The following IL1RAPL2 variants were observed in gnomAD, a reference collection of about 807,000 sequenced individuals.
IL1RAPL2 encodes interleukin 1 receptor accessory protein like 2, also known as X-linked interleukin-1 receptor accessory protein-like 2.
IL1RAPL2 carries 3 observed loss-of-function variants against 44.1 expected under a neutral mutation model. That is an observed-to-expected ratio of 0.07 (90% CI 0.03 to 0.18). IL1RAPL2 has a LOEUF of 0.18. Among genes scored for constraint, IL1RAPL2 ranks in the 10% least tolerant of loss-of-function variants. IL1RAPL2 has a pLI of 1.00. For missense variants in IL1RAPL2, 391 were observed against 496.4 expected, an observed-to-expected ratio of 0.79 and a Z score of 2.02; for synonymous variants, 181 against 178.8, an observed-to-expected ratio of 1.01 and a Z score of -0.10.
At chrX:105,709,961 A>G (rs887038272) in intron 6 of IL1RAPL2, among the ~76,000 whole-genome samples, 1 of 111,269 alleles carries the variant, frequency 9.0e-6, no homozygotes, top group Non-Finnish European at 1.9e-5. Flanking sequence ...GGACTTTGTA[A>G]CTCTTATCTG....
At chrX:105,432,181 C>A (rs2035853353) in intron 5 of IL1RAPL2, among the ~76,000 whole-genome samples, 1 of 97,031 alleles carries the variant, frequency 1.0e-5, no homozygotes, top group Admixed American at 1.2e-4. Flanking sequence ...ATTTTCCCAC[C>A]ACAACAATCA....
intron 6 of IL1RAPL2, among the ~76,000 whole-genome samples, chrX:105,507,713 T>A (rs753075441): frequency 8.9e-6 from 1 of 111,929 alleles, no homozygotes; most frequent in African/African-American, 3.2e-5. Flanking sequence ...TGATTATCTC[T>A]AATTATCCAA....
At chrX:105,033,506 A>G (rs2031555253) in intron 2 of IL1RAPL2, among the ~76,000 whole-genome samples, 1 of 111,542 alleles carries the variant, frequency 9.0e-6, no homozygotes, top group Non-Finnish European at 1.9e-5. Flanking sequence ...TGGATATGAA[A>G]TTCTGGGTTG....
intron 4 of IL1RAPL2, among the ~76,000 whole-genome samples, chrX:105,265,764 C>T (rs985210656): frequency 1.8e-5 from 2 of 111,013 alleles, no homozygotes; most frequent in African/African-American, 6.6e-5. Flanking sequence ...AATGGGTACT[C>T]GCTGTCTCAG....
At chrX:105,136,931 A>G (rs2033081482) in intron 2 of IL1RAPL2, among the ~76,000 whole-genome samples, 2 of 112,543 alleles carry the variant, frequency 1.8e-5, no homozygotes, top group Non-Finnish European at 3.8e-5. Context: ...GATCTTGGGC[A>G]GAGATAAAGC....
chrX:105,059,562 A>G (rs780150606), intron 2 of IL1RAPL2, among the ~76,000 whole-genome samples: 5 of 110,889 alleles, frequency 4.5e-5, no homozygotes, highest in African/African-American at 6.6e-5. Flanking sequence ...ATGGAGTCTC[A>G]CTGTGTTGCC....
intron 5 of IL1RAPL2, among the ~76,000 whole-genome samples, chrX:105,346,025 A>G (rs2035107646): frequency 9.0e-6 from 1 of 111,522 alleles, no homozygotes; most frequent in Non-Finnish European, 1.9e-5. Context: ...TATCTGCGAC[A>G]TCACTCAAGC....
intron 7 of IL1RAPL2, among the ~76,000 whole-genome samples, chrX:105,719,088 G>A (rs1400326319): frequency 9.0e-6 from 1 of 111,653 alleles, no homozygotes; most frequent in Admixed American, 9.5e-5. Flanking sequence ...CAAAAAACTG[G>A]TCCATGAATG....
At chrX:105,173,792 G>A (rs1347268686) in intron 2 of IL1RAPL2, among the ~76,000 whole-genome samples, 1 of 108,469 alleles carries the variant, frequency 9.2e-6, no homozygotes, top group African/African-American at 3.4e-5. Context: ...GAGTGCAGTG[G>A]CATGATCTCG....
At chrX:105,197,084 A>G (rs2033678688) in intron 3 of IL1RAPL2, among the ~76,000 whole-genome samples, 1 of 111,097 alleles carries the variant, frequency 9.0e-6, no homozygotes. Context: ...TGTGTAGGGG[A>G]AGAAAATGGA....
intron 2 of IL1RAPL2, among the ~76,000 whole-genome samples, chrX:104,882,730 G>A (rs1923104760): frequency 9.0e-6 from 1 of 111,624 alleles, no homozygotes; most frequent in Non-Finnish European, 1.9e-5. Flanking sequence ...ACCTGCTTGG[G>A]TCCCCTTCCA....
At chrX:105,016,921 T>G (rs1490735828) in intron 2 of IL1RAPL2, among the ~76,000 whole-genome samples, 1 of 111,513 alleles carries the variant, frequency 9.0e-6, no homozygotes, top group Non-Finnish European at 1.9e-5. Context: ...CAGATAGAAT[T>G]TGGCTGTGAA....
intron 1 of IL1RAPL2, among the ~76,000 whole-genome samples, chrX:104,573,894 G>A (rs749439127): frequency 9.0e-6 from 1 of 111,156 alleles, no homozygotes; most frequent in Non-Finnish European, 1.9e-5. Flanking sequence ...ATGTGATTAG[G>A]ACAACAGCTG....
At chrX:105,295,926 G>C (rs946093908) in intron 5 of IL1RAPL2, among the ~76,000 whole-genome samples, 1 of 111,072 alleles carries the variant, frequency 9.0e-6, no homozygotes, top group Non-Finnish European at 1.9e-5. Context: ...ACCACCCAAA[G>C]TGATCTGTTT....
intron 5 of IL1RAPL2, among the ~76,000 whole-genome samples, chrX:105,313,251 C>T (rs2034812294): frequency 1.8e-5 from 2 of 111,797 alleles, no homozygotes; most frequent in African/African-American, 6.5e-5. Context: ...TTTCAAAGAT[C>T]TTGCTTAGAA....
intron 6 of IL1RAPL2, among the ~76,000 whole-genome samples, chrX:105,542,730 TAATTTATTA>T (rs2036752897): frequency 1.4e-4 from 8 of 56,163 alleles, no homozygotes; most frequent in East Asian, 4.0e-4. Flanking sequence ...TTTATTTATT[TAATTTATTA>T]TTTTTTTTTT....
At position 104,900,864 on chromosome X, in the gene IL1RAPL2, C is replaced by A. The variant is rs182205629; in HGVS notation, c.82+241869C>A. The stretch of plus-strand genomic sequence containing the variant: ...AGCTACAAAGACCTATGGCAAAGGT[C>A]ATGAATTTAGGGAGAGACGAAGGAA... On this transcript the variant is annotated intron_variant, in intron 2 of 10. Coordinates refer to ENST00000372582, the MANE Select transcript of IL1RAPL2 (RefSeq NM_017416.2). Among the ~76,000 whole-genome samples the A allele has an allele frequency of 8.0e-5, 9 of 111,869 alleles. No individual in the cohort carries two copies. The East Asian group carries it at 2.0e-3, about 25-fold the overall frequency.
At chrX:105,102,622 T>C (rs774685758) in intron 2 of IL1RAPL2, among the ~76,000 whole-genome samples, 2 of 111,960 alleles carry the variant, frequency 1.8e-5, no homozygotes, top group Non-Finnish European at 3.8e-5. Context: ...CTCTTTGTGA[T>C]TGAAACATAA....
chrX:105,200,815 G>C (rs993489652), intron 3 of IL1RAPL2, among the ~76,000 whole-genome samples: 1 of 110,987 alleles, frequency 9.0e-6, no homozygotes, highest in Non-Finnish European at 1.9e-5. Flanking sequence ...GAGAGGCTGA[G>C]GTACGAGAAT....
Sources: allele counts gnomAD v4.1 joint callset (sites outside exome capture counted in the v4.1 genomes callset), GRCh38; gene constraint gnomAD v4.1.1; transcripts MANE v1.5; gene names NCBI Gene and HGNC (gene_info 2026-07-23, HGNC 2026-07-21).